Variants in KIT observed in about 807,000 individuals in gnomAD.
KIT encodes the protein mast/stem cell growth factor receptor Kit.
KIT carries 16 observed loss-of-function variants against 105.7 expected under a neutral mutation model. That is an observed-to-expected ratio of 0.15 (90% CI 0.10 to 0.23). KIT has a LOEUF of 0.23. Ranked by LOEUF, KIT falls within the 10% of genes least tolerant of loss-of-function variation. The probability of loss-of-function intolerance (pLI) is 1.00; values close to 1 mark genes in which losing one functional copy is unlikely to be tolerated. For missense variants in KIT, 858 were observed against 1,213.8 expected (o/e 0.71, Z 4.36); for synonymous variants, 438 against 441.1 (o/e 0.99, Z 0.09).
intron 1 of KIT, among the ~76,000 whole-genome samples, chr4:54,676,634 C>T (rs559700026): frequency 5.3e-5 from 8 of 150,420 alleles, no homozygotes; most frequent in Non-Finnish European, 1.2e-4. Flanking sequence ...AGGACAAATA[C>T]GATTGTGTCC....
intron 2 of KIT, among the ~76,000 whole-genome samples, chr4:54,696,260 G>A (rs116275371): frequency 1.6e-4 from 25 of 152,254 alleles, no homozygotes; most frequent in African/African-American, 5.8e-4. Flanking sequence ...GTCTGTCATG[G>A]GTTCTTTGTA....
intron 2 of KIT, 42 bp downstream of exon 2, chr4:54,695,823 T>C (rs1365138374): frequency 6.2e-7 from 1 of 1,611,120 alleles, no homozygotes; most frequent in Admixed American, 1.7e-5. Context: ...TTCAAGAATT[T>C]AATATCCTGC....
chr4:54,704,487 A>G (rs142773236), intron 5 of KIT, among the ~76,000 whole-genome samples: 3 of 152,164 alleles, frequency 2.0e-5, no homozygotes, highest in African/African-American at 4.8e-5. Flanking sequence ...ATAAACTACA[A>G]CATGGTAATC....
chr4:54,659,534 C>T (rs1717086506), intron 1 of KIT, among the ~76,000 whole-genome samples: 1 of 152,158 alleles, frequency 6.6e-6, no homozygotes, highest in Admixed American at 6.5e-5. Flanking sequence ...ATAAAGTCTC[C>T]AGGCGCAGTC....
At chr4:54,698,225 G>A (rs1720210269) in intron 2 of KIT, 59 bp from the exon 3 acceptor site, 1 of 1,516,902 alleles carries the variant, frequency 6.6e-7, no homozygotes, top group Non-Finnish European at 9.1e-7. Context: ...CTTTTAAAAA[G>A]TGTTTTCAGT....
chr4:54,728,158 A>G (rs2109782613), intron 13 of KIT, 37 bp downstream of exon 13: 2 of 1,420,626 alleles, frequency 1.4e-6, no homozygotes, highest in Non-Finnish European at 2.0e-6. Context: ...ATTGTCTGTC[A>G]GGTTATCAAA....
chr4:54,707,033 G>A (rs964518784), intron 5 of KIT, 65 bp from the exon 6 acceptor site: 5 of 882,818 alleles, frequency 5.7e-6, no homozygotes, highest in Non-Finnish European at 9.1e-6. Flanking sequence ...CCAAGATGAG[G>A]TTCTGTTTTT....
intron 4 of KIT, among the ~76,000 whole-genome samples, chr4:54,701,035 G>A (rs1010255943): frequency 3.9e-5 from 6 of 152,230 alleles, no homozygotes; most frequent in African/African-American, 1.4e-4. Context: ...AATTTAGACC[G>A]GGTGTGCATT....
intron 1 of KIT, among the ~76,000 whole-genome samples, chr4:54,693,685 T>C (rs1234481776): frequency 8.0e-6 from 1 of 124,616 alleles, no homozygotes; most frequent in Non-Finnish European, 1.9e-5. Context: ...TCTGCAACCT[T>C]GCATATGGTG....
In KIT at chr4:54,725,953, T is replaced by C. The variant is rs1553891429; in HGVS notation, c.1443T>C (p.Ser481=). 6.2e-7 allele frequency: 1 copy of C among 1,614,154 alleles called. No homozygotes were observed. The highest frequency in any genetic ancestry group is 8.5e-7 in the Non-Finnish European group (1 of 1,180,008). The change falls in exon 9 of 21, where the codon AGT becomes AGC. Residue 481 remains serine, a synonymous_variant. Transcript: ENST00000288135. ...KLVVQSSIDS[S]AFKHNGTVEC... Reference sequence around the variant, plus strand: ...TGGTTCAGAGTTCTATAGATTCTAGTGCATTCAAGCACAATGGCACGGTTG... The same window carrying C: ...TGGTTCAGAGTTCTATAGATTCTAGCGCATTCAAGCACAATGGCACGGTTG...
At chr4:54,726,113 A>AT (rs1302124387) in intron 9 of KIT, 63 bp downstream of exon 9, 1 of 1,344,696 alleles carries the variant, frequency 7.4e-7, no homozygotes, top group African/African-American at 1.4e-5. Flanking sequence ...ATCAGTCATG[A>AT]TTTTAAGTTC....
chr4:54,703,137 C>G (rs1328549919), intron 4 of KIT, among the ~76,000 whole-genome samples: 1 of 152,142 alleles, frequency 6.6e-6, no homozygotes, highest in African/African-American at 2.4e-5. Flanking sequence ...TCAGCTCATG[C>G]TTAAATAATT....
In KIT at chr4:54,737,211, C is replaced by G; in HGVS notation, c.2733C>G (p.Pro911=). 1.2e-6 allele frequency: 2 copies of G among 1,613,832 alleles called. No homozygotes were observed. The highest frequency in any genetic ancestry group is 1.7e-6 in the Non-Finnish European group (2 of 1,179,830). The change falls in exon 20 of 21, where the codon CCC becomes CCG. Residue 911 remains proline (P), a synonymous_variant. Transcript: ENST00000288135. ...TGAAGACTTGCTGGGATGCAGATCC[C>G]CTAAAAAGACCAACATTCAAGCAAA... ...DIMKTCWDAD[P]LKRPTFKQIV... is the part of the protein sequence containing the mutation.
rs759613218 is a variant in KIT, at chr4:54,727,911, T to G, written c.1863T>G (p.Ala621=). ...LIKSDAAMTV[A]VKMLKPSAHL... ...AGTCAGATGCGGCCATGACTGTCGC[T>G]GTAAAGATGCTCAAGCGTAAGTTCC... is the stretch of plus-strand genomic sequence containing the variant. The change falls in exon 12 of 21, where the codon GCT becomes GCG. Residue 621 remains alanine (A), a synonymous_variant. Transcript: ENST00000288135. 1 of 1,614,082 alleles carries G rather than the reference T, an allele frequency of 6.2e-7. No homozygotes were observed. The highest frequency in any genetic ancestry group is 1.1e-5 in the South Asian group (1 of 91,086).
intron 1 of KIT, among the ~76,000 whole-genome samples, chr4:54,692,392 GAC>G (rs1248325772): frequency 1.3e-5 from 2 of 152,164 alleles, no homozygotes; most frequent in African/African-American, 2.4e-5. Context: ...TGGAAACTTG[GAC>G]ACAGAGTTAG....
intron 7 of KIT, among the ~76,000 whole-genome samples, chr4:54,721,573 G>A (rs1396076934): frequency 6.6e-6 from 1 of 152,186 alleles, no homozygotes. Flanking sequence ...TAGCCAAATG[G>A]CCTGCTCATC....
chr4:54,726,201 TG>T lies in KIT; in HGVS notation c.1540+152del, dbSNP rs1722208470. 8.6e-6 allele frequency: 6 copies of T among 695,780 alleles called. No individual in the cohort carries two copies. In the Admixed American group the frequency reaches 1.1e-4, roughly 13 times the overall value. 43.1% of individuals were successfully genotyped at this position (695,780 alleles called of 1,614,324 possible). A position where few individuals can be genotyped will look rare whatever the true frequency, so the allele number is the denominator to read the frequency against. On this transcript the variant is annotated intron_variant, in intron 9 of 20. Transcript: ENST00000288135. The stretch of plus-strand genomic sequence containing the variant: ...TCATCAAACTCACTAAGTTTCATTT[TG>T]TACTAGCTTGTTAAGTATATGCTTT...
chr4:54,726,614 T>TA (rs1273298030), intron 9 of KIT, among the ~76,000 whole-genome samples: 3 of 152,206 alleles, frequency 2.0e-5, no homozygotes, highest in Non-Finnish European at 1.5e-5. Flanking sequence ...ACTGGGCACT[T>TA]ACTTTTTAGG....
chr4:54,684,567 G>A (rs1453049288), intron 1 of KIT, among the ~76,000 whole-genome samples: 1 of 152,040 alleles, frequency 6.6e-6, no homozygotes, highest in Non-Finnish European at 1.5e-5. Flanking sequence ...CCTTCTGGAA[G>A]CACCCTGTGT....
Sources: gnomAD v4.1 joint callset for allele counts (sites outside exome capture counted in the v4.1 genomes callset) on GRCh38, gnomAD v4.1.1 for gene constraint, MANE v1.5 for transcripts, NCBI Gene and HGNC (gene_info 2026-07-23, HGNC 2026-07-21) for gene names.